Variants in MARCHF5 observed in about 807,000 individuals in gnomAD.
MARCHF5 encodes E3 ubiquitin-protein ligase MARCHF5.
In MARCHF5, 5 loss-of-function variants were observed where a neutral mutation model predicts 36.5. The observed-to-expected ratio is 0.14, with a 90% CI of 0.07 to 0.29. The LOEUF (loss-of-function observed/expected upper bound fraction) is 0.29. Among genes scored for constraint, MARCHF5 ranks in the 10% least tolerant of loss-of-function variants. The probability of loss-of-function intolerance (pLI) is 1.00; values close to 1 mark genes in which losing one functional copy is unlikely to be tolerated. For missense variants in MARCHF5, 179 were observed against 336.3 expected (o/e 0.53, Z 3.66); for synonymous variants, 103 against 109.9 (o/e 0.94, Z 0.39).
At chr10:92,297,634 A>G (rs1182286894) in intron 1 of MARCHF5, among the ~76,000 whole-genome samples, 3 of 151,210 alleles carry the variant, frequency 2.0e-5, no homozygotes, top group African/African-American at 7.3e-5. Context: ...TGGGACTACA[A>G]GCACGTGCCA....
chr10:92,308,707 GT>G (rs5786989), intron 1 of MARCHF5: 116,324 of 123,938 alleles, frequency 0.94, 54,572 homozygotes, highest in South Asian at 0.97. Flanking sequence ...TTTGTTTTTT[GT>G]TTTTTTTTTT....
intron 1 of MARCHF5, among the ~76,000 whole-genome samples, chr10:92,302,300 TC>T (rs1185838818): frequency 5.3e-5 from 8 of 152,198 alleles, no homozygotes; most frequent in East Asian, 3.9e-4. Flanking sequence ...CTTTGATAGA[TC>T]CAGGTACTTT....
intron 3 of MARCHF5, among the ~76,000 whole-genome samples, chr10:92,345,366 A>C (rs1032962014): frequency 3.3e-5 from 5 of 152,010 alleles, no homozygotes; most frequent in African/African-American, 1.2e-4. Flanking sequence ...CAAAGAAAAA[A>C]TTAGGCATAG....
At chr10:92,346,163 G>A (rs181159608) in intron 3 of MARCHF5, among the ~76,000 whole-genome samples, 7 of 152,278 alleles carry the variant, frequency 4.6e-5, no homozygotes, top group African/African-American at 1.4e-4. Flanking sequence ...ATTAAATCAG[G>A]CCTATTGCTT....
At chr10:92,311,560 C>T (rs992333299) in intron 2 of MARCHF5, among the ~76,000 whole-genome samples, 1 of 151,746 alleles carries the variant, frequency 6.6e-6, no homozygotes, top group Non-Finnish European at 1.5e-5. Flanking sequence ...TATTAACTGT[C>T]TGTTTGATAG....
intron 3 of MARCHF5, among the ~76,000 whole-genome samples, chr10:92,347,511 TAGATAGATAGATGATAGATATATAGATA>T (rs200805080): frequency 3.9e-5 from 4 of 101,366 alleles, no homozygotes; most frequent in African/African-American, 1.5e-4. Context: ...GATAGATAGA[TAGATAGATAGATGATAGATATATAGATA>T]GATAGATAGA....
intron 2 of MARCHF5, among the ~76,000 whole-genome samples, chr10:92,340,452 A>G (rs1026693419): frequency 2.0e-5 from 3 of 152,204 alleles, no homozygotes; most frequent in Admixed American, 2.0e-4. Context: ...CATGCCTGTA[A>G]TCCCAACATT....
chr10:92,319,035 A>G (rs1284003639), intron 2 of MARCHF5, among the ~76,000 whole-genome samples: 1 of 152,112 alleles, frequency 6.6e-6, no homozygotes, highest in African/African-American at 2.4e-5. Context: ...TAGCCGTACT[A>G]CACTGTACTT....
intron 2 of MARCHF5, among the ~76,000 whole-genome samples, chr10:92,317,824 C>T (rs1843231698): frequency 6.6e-6 from 1 of 151,226 alleles, no homozygotes; most frequent in South Asian, 2.1e-4. Context: ...GATCTCAGCT[C>T]ACTGCAACCT....
chr10:92,340,523 G>T, intron 2 of MARCHF5, 150 bp from the exon 3 acceptor site: 1 of 637,678 alleles, frequency 1.6e-6, no homozygotes, highest in South Asian at 2.7e-5. Flanking sequence ...AGTGAGCTAT[G>T]ATCATGCCAC....
Position 92,291,549 on chromosome 10 carries a change from G to C in MARCHF5, c.35+20G>C. The stretch of plus-strand genomic sequence containing the variant: ...GGACAGGTACGGGCAGCTGTGGGGG[G>C]GACCGGGAGCCGCCGACCCTCGCTC... On this transcript the variant is annotated intron_variant, in intron 1 of 5. Transcript: ENST00000358935. 3.3e-6 allele frequency: 5 copies of C among 1,530,920 alleles called. No homozygotes were observed. The highest frequency in any genetic ancestry group is 4.4e-6 in the Non-Finnish European group (5 of 1,136,718). 94.8% of individuals were successfully genotyped at this position (1,530,920 alleles called of 1,614,324 possible).
chr10:92,321,074 G>C (rs761369055), intron 2 of MARCHF5, among the ~76,000 whole-genome samples: 2 of 152,008 alleles, frequency 1.3e-5, no homozygotes, highest in Non-Finnish European at 2.9e-5. Flanking sequence ...GTAACATGCT[G>C]TGCAGGTTTG....
intron 1 of MARCHF5, among the ~76,000 whole-genome samples, chr10:92,301,338 C>G (rs894281245): frequency 6.6e-6 from 1 of 152,160 alleles, no homozygotes; most frequent in Non-Finnish European, 1.5e-5. Flanking sequence ...ATTTTTTGTA[C>G]TGCTGTAATT....
chr10:92,305,005 G>GA (rs1405126545), intron 1 of MARCHF5, among the ~76,000 whole-genome samples: 3 of 151,674 alleles, frequency 2.0e-5, no homozygotes, highest in Non-Finnish European at 2.9e-5. Flanking sequence ...GTTTCCTTAG[G>GA]AAAAAATACC....
chr10:92,300,492 T>C (rs1842999598), intron 1 of MARCHF5, among the ~76,000 whole-genome samples: 1 of 151,562 alleles, frequency 6.6e-6, no homozygotes, highest in East Asian at 1.9e-4. Context: ...AGCAAGACCC[T>C]GTCTCAAAAA....
intron 2 of MARCHF5, among the ~76,000 whole-genome samples, chr10:92,322,651 G>A (rs972729642): frequency 6.8e-6 from 1 of 146,906 alleles, no homozygotes; most frequent in African/African-American, 2.5e-5. Context: ...GTTTTGCCAT[G>A]TTGTCCAGGC....
intron 1 of MARCHF5, among the ~76,000 whole-genome samples, chr10:92,298,955 C>T (rs1336830639): frequency 1.3e-5 from 2 of 151,982 alleles, no homozygotes; most frequent in African/African-American, 2.4e-5. Flanking sequence ...CAGGGCAAGC[C>T]AGCATGCCCA....
intron 3 of MARCHF5, among the ~76,000 whole-genome samples, chr10:92,344,457 C>T (rs1268236126): frequency 6.6e-6 from 1 of 152,056 alleles, no homozygotes; most frequent in East Asian, 1.9e-4. Context: ...AAATAACCTT[C>T]ACATGTAATG....
chr10:92,335,983 G>T (rs1843497688), intron 2 of MARCHF5, among the ~76,000 whole-genome samples: 1 of 152,166 alleles, frequency 6.6e-6, no homozygotes, highest in African/African-American at 2.4e-5. Flanking sequence ...AGGAACTTGG[G>T]GTAAATCAAT....
Sources: gnomAD v4.1 joint callset for allele counts (sites outside exome capture counted in the v4.1 genomes callset) on GRCh38, gnomAD v4.1.1 for gene constraint, MANE v1.5 for transcripts, NCBI Gene and HGNC (gene_info 2026-07-23, HGNC 2026-07-21) for gene names.